The following SGSM1 variants were observed in gnomAD, a reference collection of about 807,000 sequenced individuals.
SGSM1 encodes the protein RUN and TBC1 domain containing 2.
In SGSM1, 73 loss-of-function variants were observed where a neutral mutation model predicts 133.8. The ratio of observed to expected loss-of-function variants is 0.55; its 90% CI spans 0.45 to 0.66. The LOEUF is 0.66. Ranked by LOEUF, SGSM1 falls within the 30% of genes least tolerant of loss-of-function variation. SGSM1 has a pLI of 0.00. For synonymous variants in SGSM1, 563 were observed against 573.0 expected (o/e 0.98, Z 0.25); for missense variants, 1,213 against 1,448.1 (o/e 0.84, Z 2.64).
At chr22:24,918,571 C>A (rs1933901066) in intron 23 of SGSM1, among the ~76,000 whole-genome samples, 1 of 151,686 alleles carries the variant, frequency 6.6e-6, no homozygotes, top group Non-Finnish European at 1.5e-5. Context: ...TATGTATTAT[C>A]TCTTTAGTCT....
chr22:24,900,265 C>T (rs1360661218), intron 19 of SGSM1, among the ~76,000 whole-genome samples: 3 of 152,158 alleles, frequency 2.0e-5, no homozygotes, highest in African/African-American at 7.2e-5. Flanking sequence ...GTGATCTACC[C>T]GCTGTGACCT....
intron 2 of SGSM1, among the ~76,000 whole-genome samples, chr22:24,809,120 C>T (rs1256795317): frequency 2.6e-5 from 4 of 152,212 alleles, no homozygotes; most frequent in African/African-American, 9.6e-5. Flanking sequence ...ACCCTAAGAA[C>T]ATGGCAACAA....
At chr22:24,892,554 G>A (rs919429009) in intron 16 of SGSM1, among the ~76,000 whole-genome samples, 1 of 152,136 alleles carries the variant, frequency 6.6e-6, no homozygotes. Flanking sequence ...TGTAGCCCAT[G>A]TGGGGTACAT....
chr22:24,858,180 A>G (rs1289282888), intron 8 of SGSM1, among the ~76,000 whole-genome samples: 2 of 152,016 alleles, frequency 1.3e-5, no homozygotes, highest in Admixed American at 1.3e-4. Flanking sequence ...GGGTCTCGCT[A>G]TGTTGCCCAG....
intron 10 of SGSM1, among the ~76,000 whole-genome samples, chr22:24,868,013 C>T (rs964829077): frequency 6.6e-6 from 1 of 152,150 alleles, no homozygotes; most frequent in Non-Finnish European, 1.5e-5. Context: ...GCTACTGCCC[C>T]GAGACAGGGG....
intron 2 of SGSM1, among the ~76,000 whole-genome samples, chr22:24,825,650 G>A (rs999877978): frequency 6.6e-5 from 10 of 152,068 alleles, no homozygotes; most frequent in African/African-American, 1.7e-4. Flanking sequence ...GGCTGGTCTC[G>A]AACTCCTGAC....
At chr22:24,870,123 C>G (rs1190052820) in intron 12 of SGSM1, among the ~76,000 whole-genome samples, 1 of 152,198 alleles carries the variant, frequency 6.6e-6, no homozygotes, top group African/African-American at 2.4e-5. Flanking sequence ...AGGCTGGAAC[C>G]CCTTAAGCGC....
At chr22:24,914,405 G>A (rs1933745663) in intron 22 of SGSM1, among the ~76,000 whole-genome samples, 1 of 151,990 alleles carries the variant, frequency 6.6e-6, no homozygotes, top group African/African-American at 2.4e-5. Context: ...GAACCCGGTA[G>A]GTGGAGATTG....
intron 22 of SGSM1, 44 bp downstream of exon 22, chr22:24,912,796 CAGTT>C (rs769171316): frequency 1.5e-5 from 22 of 1,433,930 alleles, no homozygotes; most frequent in South Asian, 6.0e-5. Flanking sequence ...TTTTGGGAAA[CAGTT>C]AGTAAAGCTT....
chr22:24,843,174 G>C (rs1360956932), intron 2 of SGSM1, among the ~76,000 whole-genome samples: 1 of 152,078 alleles, frequency 6.6e-6, no homozygotes, highest in African/African-American at 2.4e-5. Context: ...TCCCTAGATA[G>C]TTTTCAGGGT....
intron 9 of SGSM1, among the ~76,000 whole-genome samples, chr22:24,865,701 C>A (rs1353148714): frequency 6.6e-6 from 1 of 152,000 alleles, no homozygotes; most frequent in African/African-American, 2.4e-5. Context: ...ATTGGGGACA[C>A]ACCTGTGCAG....
At chr22:24,854,687 A>G (rs1024632099) in intron 5 of SGSM1, among the ~76,000 whole-genome samples, 4 of 152,206 alleles carry the variant, frequency 2.6e-5, no homozygotes, top group Admixed American at 2.6e-4. Context: ...GTGGTGGCGC[A>G]TGCCTCTAGC....
intron 12 of SGSM1, among the ~76,000 whole-genome samples, chr22:24,870,214 C>G (rs1931700643): frequency 6.6e-6 from 1 of 152,222 alleles, no homozygotes; most frequent in South Asian, 2.1e-4. Context: ...GAACCAGGCG[C>G]CCACTATCCT....
intron 18 of SGSM1, among the ~76,000 whole-genome samples, chr22:24,896,626 G>T (rs566113513): frequency 6.4e-5 from 9 of 141,156 alleles, no homozygotes; most frequent in South Asian, 4.2e-4. Flanking sequence ...TTTGTTTTTT[G>T]GTTTTTTTTT....
At position 24,854,603 on chromosome 22, in the gene SGSM1, G is replaced by A. The variant is rs138722916; in HGVS notation, c.456-393G>A. 1.0e-2 allele frequency among the ~76,000 whole-genome samples: 1,521 copies of A among 152,264 alleles called. 14 individuals are homozygous for A. Among genetic ancestry groups the A allele is most frequent in the African/African-American group, 0.035 (1,435 of 41,560 alleles). On this transcript the variant is annotated intron_variant, in intron 5 of 24. Coordinates refer to ENST00000400358, the MANE Select transcript of SGSM1 (RefSeq NM_001098497.3). ...AAGGTGGTGGGATCACTTGAGGCCA[G>A]GAATTCAAGACCAGCCTGGGCAACA...
At position 24,854,978 on chromosome 22, in the gene SGSM1, A is replaced by G. The variant is rs372754471; in HGVS notation, c.456-18A>G. On this transcript the variant is annotated intron_variant, in intron 5 of 24. Coordinates refer to ENST00000400358, the MANE Select transcript of SGSM1 (RefSeq NM_001098497.3). ...TGCTGGTCTCCATCCAAACCTGCATATTCTCTCCTCTTGCTAGTAAATACT... is the reference window on the plus strand; with the variant it reads ...TGCTGGTCTCCATCCAAACCTGCATGTTCTCTCCTCTTGCTAGTAAATACT... 3 of 1,610,110 alleles carry G rather than the reference A, an allele frequency of 1.9e-6. No individual in the cohort carries two copies. The highest frequency in any genetic ancestry group is 2.2e-5 in the East Asian group (1 of 44,824).
chr22:24,910,358 G>A (rs1483509222), intron 21 of SGSM1, among the ~76,000 whole-genome samples: 1 of 152,114 alleles, frequency 6.6e-6, no homozygotes, highest in African/African-American at 2.4e-5. Flanking sequence ...CAATAAACCT[G>A]TTAAAAAAAT....
intron 2 of SGSM1, among the ~76,000 whole-genome samples, chr22:24,810,581 A>AG (rs1217941674): frequency 6.6e-6 from 1 of 152,224 alleles, no homozygotes; most frequent in Non-Finnish European, 1.5e-5. Flanking sequence ...TGATAATGGA[A>AG]GCAAAGTGAC....
At chr22:24,890,236 A>ATG (rs1569165420) in intron 16 of SGSM1, among the ~76,000 whole-genome samples, 1 of 151,954 alleles carries the variant, frequency 6.6e-6, no homozygotes, top group African/African-American at 2.4e-5. Flanking sequence ...GATTACAGGC[A>ATG]TGAGCCACCA....
Sources: allele counts gnomAD v4.1 joint callset (sites outside exome capture counted in the v4.1 genomes callset), GRCh38; gene constraint gnomAD v4.1.1; transcripts MANE v1.5; gene names NCBI Gene and HGNC (gene_info 2026-07-23, HGNC 2026-07-21).